ETV6: variants seen among roughly 807,000 people sequenced by gnomAD.
ETV6 encodes the protein ETS variant transcription factor 6, also known as transcription factor ETV6.
ETV6 carries 16 observed loss-of-function variants against 51.1 expected under a neutral mutation model. The observed-to-expected ratio is 0.31, with a 90% CI of 0.21 to 0.48. The LOEUF (loss-of-function observed/expected upper bound fraction) is 0.48, where lower values mean the gene tolerates loss of function less well. Among genes scored for constraint, ETV6 ranks in the 20% least tolerant of loss-of-function variants. ETV6 has a pLI of 0.99. For missense variants in ETV6, 458 were observed against 594.8 expected, an observed-to-expected ratio of 0.77 and a Z score of 2.39; for synonymous variants, 240 against 224.1, an observed-to-expected ratio of 1.07 and a Z score of -0.64.
intron 7 of ETV6, among the ~76,000 whole-genome samples, chr12:11,887,749 GAA>G (rs58685356): frequency 3.9e-4 from 38 of 97,396 alleles, no homozygotes; most frequent in African/African-American, 7.3e-4. Flanking sequence ...TCCATCTCAA[GAA>G]AAAAAAAAAA....
intron 2 of ETV6, among the ~76,000 whole-genome samples, chr12:11,812,533 G>A (rs1316712337): frequency 6.6e-6 from 1 of 152,106 alleles, no homozygotes; most frequent in Non-Finnish European, 1.5e-5. Context: ...GAGAGCCCTG[G>A]GGGTGGTTGA....
chr12:11,763,111 G>A (rs1591656783), intron 2 of ETV6, among the ~76,000 whole-genome samples: 1 of 152,170 alleles, frequency 6.6e-6, no homozygotes, highest in Admixed American at 6.5e-5. Flanking sequence ...TATGAACAAA[G>A]TCGGGGAGAA....
chr12:11,894,684 T>C lies in ETV6; in HGVS notation c.*3638T>C, dbSNP rs1573613. On this transcript the variant is annotated 3_prime_UTR_variant, in exon 8 of 8. Transcript: ENST00000396373. ...AGTAACCACCATTCCCACCTTTCAC[T>C]GCCTAGGCTCCAAGTCTGAATACAT... The C allele has an allele frequency of 0.48, 110,719 of 232,830 alleles. 26,944 individuals carry two copies. The highest frequency in any genetic ancestry group is 0.57 in the African/African-American group (25,958 of 45,308). 14.4% of individuals were successfully genotyped at this position (232,830 alleles called of 1,614,324 possible).
At chr12:11,820,810 G>A (rs148596086) in intron 2 of ETV6, among the ~76,000 whole-genome samples, 1 of 152,318 alleles carries the variant, frequency 6.6e-6, no homozygotes, top group African/African-American at 2.4e-5. Context: ...ATTCTGGGCA[G>A]AGTGACATGA....
chr12:11,764,043 T>C (rs948628064), intron 2 of ETV6, among the ~76,000 whole-genome samples: 1 of 152,210 alleles, frequency 6.6e-6, no homozygotes, highest in Non-Finnish European at 1.5e-5. Context: ...ATTCCATTGT[T>C]GAGACATTCC....
chr12:11,711,628 G>A (rs945994192), intron 1 of ETV6, among the ~76,000 whole-genome samples: 4 of 152,166 alleles, frequency 2.6e-5, no homozygotes, highest in African/African-American at 4.8e-5. Context: ...TCTATGCTGC[G>A]CTTCTGTTTT....
intron 1 of ETV6, among the ~76,000 whole-genome samples, chr12:11,654,454 G>A (rs928873210): frequency 3.3e-5 from 5 of 152,158 alleles, no homozygotes; most frequent in Admixed American, 1.3e-4. Flanking sequence ...CATTCTCTGG[G>A]TTCATGGTGT....
intron 2 of ETV6, among the ~76,000 whole-genome samples, chr12:11,770,475 C>T (rs1945227230): frequency 6.6e-6 from 1 of 152,190 alleles, no homozygotes; most frequent in African/African-American, 2.4e-5. Flanking sequence ...GGGTTCTGAA[C>T]ATAAGTATGG....
intron 7 of ETV6, among the ~76,000 whole-genome samples, chr12:11,890,248 T>C (rs764206253): frequency 1.3e-5 from 2 of 151,688 alleles, no homozygotes; most frequent in Non-Finnish European, 2.9e-5. Flanking sequence ...TTGAATACCA[T>C]TTCCTGGGCT....
intron 1 of ETV6, among the ~76,000 whole-genome samples, chr12:11,741,574 G>C (rs997192884): frequency 2.6e-5 from 4 of 152,200 alleles, no homozygotes; most frequent in Non-Finnish European, 2.9e-5. Flanking sequence ...GGTGGACATG[G>C]GGGGAGCTGC....
At chr12:11,716,837 C>G (rs1865289178) in intron 1 of ETV6, 1 of 152,270 alleles carries the variant, frequency 6.6e-6, no homozygotes, top group African/African-American at 2.4e-5. Flanking sequence ...CTGCCCAGTT[C>G]CAAGAGCACC....
intron 2 of ETV6, among the ~76,000 whole-genome samples, chr12:11,763,352 A>G (rs1019648101): frequency 6.6e-6 from 1 of 152,176 alleles, no homozygotes; most frequent in African/African-American, 2.4e-5. Context: ...TCATCCAGGT[A>G]TCTGGGGTTT....
At chr12:11,677,798 C>A (rs188008407) in intron 1 of ETV6, among the ~76,000 whole-genome samples, 144 of 152,334 alleles carry the variant, frequency 9.5e-4, no homozygotes, top group Admixed American at 7.8e-3. Flanking sequence ...GTAGCACCTA[C>A]TTTATAGTGT....
At chr12:11,826,349 TC>T (rs1460793677) in intron 2 of ETV6, 1 of 152,214 alleles carries the variant, frequency 6.6e-6, no homozygotes, top group East Asian at 1.9e-4. Flanking sequence ...TCGGCCTCTT[TC>T]CAGAACTCAG....
intron 1 of ETV6, among the ~76,000 whole-genome samples, chr12:11,738,103 G>A (rs558545669): frequency 7.2e-5 from 11 of 152,038 alleles, no homozygotes; most frequent in South Asian, 2.1e-4. Context: ...AGCATTCTTC[G>A]TTTTAAGAAG....
Position 11,716,330 on chromosome 12 carries a change from C to CA in ETV6, c.34-36090dup, listed in dbSNP as rs3049068. On this transcript the variant is annotated intron_variant, in intron 1 of 7. Transcript: ENST00000396373. ...TGGGCGACAGAGCAAGACTCCTTCT[C>CA]AAAAAAAAAAAAAAAAAAAAAAAAA... 6.2e-3 allele frequency among the ~76,000 whole-genome samples: 360 copies of CA among 58,118 alleles called. 35 individuals are homozygous for CA. The highest frequency in any genetic ancestry group is 0.011 in the African/African-American group (172 of 16,006). 38.1% of individuals were successfully genotyped at this position (58,118 alleles called of 152,430 possible).
intron 1 of ETV6, among the ~76,000 whole-genome samples, chr12:11,654,014 A>G (rs1333971922): frequency 3.3e-5 from 5 of 152,046 alleles, no homozygotes; most frequent in African/African-American, 9.7e-5. Flanking sequence ...GGGTTTCACC[A>G]TGTTGGCAAG....
intron 1 of ETV6, among the ~76,000 whole-genome samples, chr12:11,717,188 A>G (rs904196932): frequency 1.4e-4 from 21 of 151,976 alleles, no homozygotes; most frequent in African/African-American, 5.1e-4. Context: ...GCTCAGTTCC[A>G]TTTTCTTCCT....
chr12:11,683,056 A>G (rs1300977803), intron 1 of ETV6, among the ~76,000 whole-genome samples: 1 of 152,236 alleles, frequency 6.6e-6, no homozygotes, highest in East Asian at 1.9e-4. Context: ...CAAACTGGAC[A>G]TGAACATGTG....
Sources: gnomAD v4.1 joint callset for allele counts (sites outside exome capture counted in the v4.1 genomes callset) on GRCh38, gnomAD v4.1.1 for gene constraint, MANE v1.5 for transcripts, NCBI Gene and HGNC (gene_info 2026-07-23, HGNC 2026-07-21) for gene names.